The following GSG1L variants were observed in gnomAD, a reference collection of about 807,000 sequenced individuals.
GSG1L encodes germ cell-specific gene 1-like protein.
In GSG1L, 24 loss-of-function variants were observed where a neutral mutation model predicts 42.1. That is an observed-to-expected ratio of 0.57 (90% CI 0.41 to 0.80). The LOEUF is 0.80. Among genes scored for constraint, GSG1L ranks in the 30% least tolerant of loss-of-function variants. GSG1L has a pLI of 0.00. For missense variants in GSG1L, 445 were observed against 472.2 expected (o/e 0.94, Z 0.53); for synonymous variants, 215 against 203.5 (o/e 1.06, Z -0.48).
intron 1 of GSG1L, among the ~76,000 whole-genome samples, chr16:27,987,840 G>A (rs1285789583): frequency 1.3e-5 from 2 of 151,508 alleles, no homozygotes; most frequent in African/African-American, 2.4e-5. Flanking sequence ...CCAGCTACTC[G>A]GGAGGCTGAG....
chr16:27,820,532 G>A (rs1416445463), intron 5 of GSG1L, among the ~76,000 whole-genome samples: 1 of 152,182 alleles, frequency 6.6e-6, no homozygotes, highest in Non-Finnish European at 1.5e-5. Flanking sequence ...GCAAACAGGA[G>A]AGAGAGAACA....
intron 6 of GSG1L, among the ~76,000 whole-genome samples, chr16:27,798,140 A>T (rs2082841751): frequency 6.6e-6 from 1 of 152,192 alleles, no homozygotes; most frequent in African/African-American, 2.4e-5. Context: ...CAATACATCC[A>T]TGTAACAAAC....
At chr16:27,792,228 C>A (rs1181813914) in intron 6 of GSG1L, among the ~76,000 whole-genome samples, 2 of 152,166 alleles carry the variant, frequency 1.3e-5, no homozygotes, top group Non-Finnish European at 2.9e-5. Flanking sequence ...AGAAGGGGAA[C>A]AAGAGCAGAT....
intron 1 of GSG1L, among the ~76,000 whole-genome samples, chr16:28,038,615 G>A (rs540672484): frequency 1.2e-3 from 181 of 152,192 alleles, no homozygotes; most frequent in Non-Finnish European, 2.0e-3. Flanking sequence ...CCCTGAGCCC[G>A]AACAAAACAT....
chr16:27,911,169 T>G (rs899645588), intron 2 of GSG1L, among the ~76,000 whole-genome samples: 1 of 152,230 alleles, frequency 6.6e-6, no homozygotes, highest in South Asian at 2.1e-4. Context: ...TGACTGGACT[T>G]CCTTGGAGTT....
At chr16:27,841,010 A>G (rs781362201) in intron 4 of GSG1L, among the ~76,000 whole-genome samples, 1 of 152,238 alleles carries the variant, frequency 6.6e-6, no homozygotes, top group Non-Finnish European at 1.5e-5. Context: ...AAACGTAAGA[A>G]CAAATAACAA....
rs150146457 is a variant in GSG1L, at chr16:27,993,030, T to C, written c.350-29827A>G. On this transcript the variant is annotated intron_variant, in intron 1 of 6. Transcript: ENST00000447459. ...CCATATGTCTAATTCTCATAATAAC[T>C]ATATGAAAGAGGTACTGTTATTATG... Among the ~76,000 whole-genome samples the C allele has an allele frequency of 3.8e-3, 581 of 152,304 alleles. 6 individuals carry two copies. The highest frequency in any genetic ancestry group is 0.013 in the African/African-American group (544 of 41,570).
At chr16:28,036,071 C>A (rs372786159) in intron 1 of GSG1L, among the ~76,000 whole-genome samples, 20 of 152,292 alleles carry the variant, frequency 1.3e-4, no homozygotes, top group Admixed American at 3.9e-4. Context: ...CCCACATCCA[C>A]CCACACGCAA....
At chr16:27,867,481 C>A (rs771159375) in intron 3 of GSG1L, among the ~76,000 whole-genome samples, 2 of 152,202 alleles carry the variant, frequency 1.3e-5, no homozygotes, top group Non-Finnish European at 2.9e-5. Context: ...GATCAGTGAG[C>A]GCTGCCCCAT....
At chr16:27,946,583 G>A (rs7188363) in intron 2 of GSG1L, among the ~76,000 whole-genome samples, 1,175 of 24,084 alleles carry the variant, frequency 0.049, 4 homozygotes, top group South Asian at 0.089. Flanking sequence ...GAAAGAAAGA[G>A]AGAGAGAGAG....
At chr16:27,909,635 C>CTTTTTTTTTTT (rs10709968) in intron 2 of GSG1L, among the ~76,000 whole-genome samples, 1 of 88,274 alleles carries the variant, frequency 1.1e-5, no homozygotes, top group Non-Finnish European at 2.2e-5. Flanking sequence ...CTGCACCCAG[C>CTTTTTTTTTTT]TTTTTTTTTT....
chr16:27,939,892 G>C (rs911667177), intron 2 of GSG1L, among the ~76,000 whole-genome samples: 2 of 152,104 alleles, frequency 1.3e-5, no homozygotes, highest in African/African-American at 4.8e-5. Flanking sequence ...TGTTGCCTGG[G>C]CTGGTCTCGA....
chr16:27,870,161 C>CTCTG (rs2083798259), intron 3 of GSG1L, among the ~76,000 whole-genome samples: 1 of 149,666 alleles, frequency 6.7e-6, no homozygotes, highest in African/African-American at 2.5e-5. Flanking sequence ...TTCCTTCTCT[C>CTCTG]TCTGTCTCCC....
At chr16:27,878,891 G>A (rs545729946) in intron 3 of GSG1L, among the ~76,000 whole-genome samples, 25 of 152,358 alleles carry the variant, frequency 1.6e-4, no homozygotes, top group African/African-American at 6.0e-4. Flanking sequence ...AAGGAGCAGG[G>A]TGGGGTTCAC....
At chr16:27,797,445 C>T (rs1045006235) in intron 6 of GSG1L, among the ~76,000 whole-genome samples, 2 of 150,758 alleles carry the variant, frequency 1.3e-5, no homozygotes, top group East Asian at 3.9e-4. Flanking sequence ...ATTGTTTGAA[C>T]TCGAGAGGCA....
intron 6 of GSG1L, among the ~76,000 whole-genome samples, chr16:27,801,064 T>C (rs1040419809): frequency 6.6e-6 from 1 of 151,842 alleles, no homozygotes; most frequent in Non-Finnish European, 1.5e-5. Context: ...AGCCACACCA[T>C]GATTTAGAGG....
At chr16:28,045,556 T>A (rs960668433) in intron 1 of GSG1L, among the ~76,000 whole-genome samples, 2 of 151,886 alleles carry the variant, frequency 1.3e-5, no homozygotes, top group Admixed American at 6.6e-5. Context: ...GCTTCTGTAG[T>A]CTCAGCTACT....
At chr16:27,992,694 C>T (rs747342373) in intron 1 of GSG1L, among the ~76,000 whole-genome samples, 1 of 152,184 alleles carries the variant, frequency 6.6e-6, no homozygotes, top group African/African-American at 2.4e-5. Flanking sequence ...CATTGCAGAA[C>T]ACGCTTCCTC....
At chr16:28,001,830 C>T (rs2085581252) in intron 1 of GSG1L, among the ~76,000 whole-genome samples, 1 of 152,204 alleles carries the variant, frequency 6.6e-6, no homozygotes, top group Admixed American at 6.5e-5. Context: ...GCTACGATCA[C>T]CACTCCGTGC....
Sources: allele counts gnomAD v4.1 joint callset (sites outside exome capture counted in the v4.1 genomes callset), GRCh38; gene constraint gnomAD v4.1.1; transcripts MANE v1.5; gene names NCBI Gene and HGNC (gene_info 2026-07-23, HGNC 2026-07-21).